The following PIKFYVE variants were observed in gnomAD, a reference collection of about 807,000 sequenced individuals.
PIKFYVE encodes the protein 1-phosphatidylinositol 3-phosphate 5-kinase.
PIKFYVE carries 122 observed loss-of-function variants against 257.9 expected under a neutral mutation model. The observed-to-expected ratio is 0.47, with a 90% CI of 0.41 to 0.55. The LOEUF is 0.55. Ranked by LOEUF, PIKFYVE falls within the 20% of genes least tolerant of loss-of-function variation. The probability of loss-of-function intolerance (pLI) is 0.00; values close to 1 mark genes in which losing one functional copy is unlikely to be tolerated. For synonymous variants in PIKFYVE, 892 were observed against 868.9 expected, an observed-to-expected ratio of 1.03 and a Z score of -0.47; for missense variants, 2,160 against 2,536.6, an observed-to-expected ratio of 0.85 and a Z score of 3.19.
At position 208,285,742 on chromosome 2, in the gene PIKFYVE, C is replaced by A; in HGVS notation, c.630C>A (p.Cys210Ter). 1 of 1,613,794 alleles carries A rather than the reference C, an allele frequency of 6.2e-7. No homozygotes were observed. The highest frequency in any genetic ancestry group is 8.5e-7 in the Non-Finnish European group (1 of 1,179,828). ...FMGYTGDLRACTYCRKIALSY... is the reference protein window; with the variant it reads ...FMGYTGDLRA Reference sequence around the variant, plus strand: ...TTCTCCTAGGAGACCTCCGAGCTTGCACATATTGTAGAAAAATAGCCTTAA... The same window carrying A: ...TTCTCCTAGGAGACCTCCGAGCTTGAACATATTGTAGAAAAATAGCCTTAA... The change falls in exon 6 of 42, where the codon TGC becomes TGA. Residue 210 changes from cysteine (C) to a stop codon, truncating the protein, a stop_gained. Transcript: ENST00000264380. LOFTEE classifies it high-confidence loss of function.
intron 40 of PIKFYVE, 95 bp downstream of exon 40, chr2:208,354,254 A>G (rs1700019116): frequency 5.0e-6 from 7 of 1,404,878 alleles, no homozygotes; most frequent in Non-Finnish European, 5.8e-6. Flanking sequence ...AGCTTATTGA[A>G]TATTTTCACA....
At chr2:208,345,037 T>C in intron 32 of PIKFYVE, 74 bp from the exon 33 acceptor site, 2 of 1,081,312 alleles carry the variant, frequency 1.8e-6, no homozygotes, top group Non-Finnish European at 1.4e-6. Flanking sequence ...ATGCAAAACT[T>C]ACTCTAAAGC....
intron 34 of PIKFYVE, among the ~76,000 whole-genome samples, chr2:208,346,625 C>CA (rs1699257862): frequency 6.6e-6 from 1 of 152,144 alleles, no homozygotes; most frequent in African/African-American, 2.4e-5. Context: ...CAAGATTTGA[C>CA]AGTGCTGGAG....
Position 208,271,620 on chromosome 2 carries a change from C to T in PIKFYVE, c.101C>T (p.Thr34Ile), listed in dbSNP as rs1689431519. ...CATCTCACACACTTTAAACCTTTGA[C>T]TCCTGATCAAGATGAGCCCCCTTTT... ...PSHLTHFKPL[T>I]PDQDEPPFKS... Residue 34 changes from threonine to isoleucine, a missense_variant, in exon 2 of 42, where the codon ACT (threonine) becomes ATT (isoleucine). Coordinates refer to ENST00000264380, the MANE Select transcript of PIKFYVE (RefSeq NM_015040.4). The T allele has an allele frequency of 6.2e-7, 1 of 1,613,980 alleles. No individual in the cohort carries two copies. The highest frequency in any genetic ancestry group is 8.5e-7 in the Non-Finnish European group (1 of 1,179,950).
chr2:208,293,084 T>TTC (rs1196945648), intron 7 of PIKFYVE, among the ~76,000 whole-genome samples: 4 of 139,174 alleles, frequency 2.9e-5, no homozygotes, highest in Non-Finnish European at 5.9e-5. Context: ...GTTACATTCT[T>TTC]TTTTTTTTTT....
intron 38 of PIKFYVE, among the ~76,000 whole-genome samples, chr2:208,351,748 G>C (rs542814851): frequency 6.6e-6 from 1 of 152,184 alleles, no homozygotes; most frequent in Admixed American, 6.5e-5. Flanking sequence ...GTTGGGGGTG[G>C]GGGAAAGTGC....
chr2:208,321,774 T>TGG (rs1313424738), intron 17 of PIKFYVE, among the ~76,000 whole-genome samples: 1 of 152,048 alleles, frequency 6.6e-6, no homozygotes, highest in African/African-American at 2.4e-5. Flanking sequence ...GAGACGGGGT[T>TGG]TCATCATGTT....
In PIKFYVE at chr2:208,357,278, T is replaced by G. The variant is rs987462769; in HGVS notation, c.*1973T>G. The G allele has an allele frequency of 2.0e-5, 3 of 152,256 alleles. No homozygotes were observed. Among genetic ancestry groups the G allele is most frequent in the Admixed American group, 2.0e-4 (3 of 15,288 alleles). 9.4% of individuals were successfully genotyped at this position (152,256 alleles called of 1,614,324 possible). ...GCCAACACTGTTTTGTCTCTGTTCA[T>G]TTTTTCTGTGAGGATACTTAAGGTT... On this transcript the variant is annotated 3_prime_UTR_variant, in exon 42 of 42. Coordinates refer to ENST00000264380, the MANE Select transcript of PIKFYVE (RefSeq NM_015040.4).
Position 208,325,745 on chromosome 2 carries a change from A to G in PIKFYVE, c.2934A>G (p.Ser978=). Residue 978 remains serine, a synonymous_variant, in exon 20 of 42, where the codon TCA becomes TCG. Coordinates refer to ENST00000264380, the MANE Select transcript of PIKFYVE (RefSeq NM_015040.4). ...PCAFFAPVPE[S]LLPLPVDDQQ... is the part of the protein sequence containing the mutation. ...CTTTCTTTGCACCTGTACCGGAATC[A>G]TTGTTGCCACTCCCTGTGGATGACC... 1 of 1,613,444 alleles carries G rather than the reference A, an allele frequency of 6.2e-7. No homozygotes were observed. The highest frequency in any genetic ancestry group is 8.5e-7 in the Non-Finnish European group (1 of 1,179,500).
intron 12 of PIKFYVE, chr2:208,305,274 T>G: frequency 7.5e-7 from 1 of 1,335,144 alleles, no homozygotes; most frequent in Non-Finnish European, 9.6e-7. Context: ...TACATCTGAC[T>G]GCTCTTCCCA....
intron 15 of PIKFYVE, among the ~76,000 whole-genome samples, chr2:208,315,715 A>T (rs1695424358): frequency 6.6e-6 from 1 of 151,958 alleles, no homozygotes; most frequent in African/African-American, 2.4e-5. Context: ...GCAGTGGGTA[A>T]TTTGCTTTAT....
At chr2:208,329,131 T>C (rs139031114) in intron 21 of PIKFYVE, among the ~76,000 whole-genome samples, 4 of 152,342 alleles carry the variant, frequency 2.6e-5, no homozygotes, top group African/African-American at 9.6e-5. Flanking sequence ...TACATAGCCT[T>C]ACATTACATG....
chr2:208,327,755 G>T (rs1574651750), intron 20 of PIKFYVE, among the ~76,000 whole-genome samples: 1 of 152,162 alleles, frequency 6.6e-6, no homozygotes, highest in East Asian at 1.9e-4. Context: ...ACAGAGAGCT[G>T]GTTTTACCTT....
intron 20 of PIKFYVE, among the ~76,000 whole-genome samples, chr2:208,327,649 C>T (rs1470146642): frequency 6.6e-6 from 1 of 152,180 alleles, no homozygotes; most frequent in Non-Finnish European, 1.5e-5. Context: ...ACCACAGAGT[C>T]AAACTCCGCA....
At chr2:208,309,020 T>C (rs1486132416) in intron 12 of PIKFYVE, among the ~76,000 whole-genome samples, 1 of 152,206 alleles carries the variant, frequency 6.6e-6, no homozygotes, top group African/African-American at 2.4e-5. Context: ...CTACTAGTAT[T>C]AACACGTGGA....
intron 7 of PIKFYVE, among the ~76,000 whole-genome samples, chr2:208,292,377 T>C (rs6435441): frequency 0.93 from 141,506 of 152,152 alleles, 66,332 homozygotes; most frequent in Non-Finnish European, 0.98. Context: ...GATGTATCCA[T>C]CTCTGATAGA....
chr2:208,351,631 T>G (rs995389112), intron 38 of PIKFYVE, among the ~76,000 whole-genome samples, 176 bp downstream of exon 38: 4 of 152,136 alleles, frequency 2.6e-5, no homozygotes, highest in Non-Finnish European at 5.9e-5. Context: ...CAAAGCATAG[T>G]GCTGGCGGCG....
intron 35 of PIKFYVE, 127 bp downstream of exon 35, chr2:208,348,150 C>A: frequency 8.2e-7 from 1 of 1,225,176 alleles, no homozygotes; most frequent in Non-Finnish European, 1.2e-6. Flanking sequence ...TCTGTTCTCA[C>A]TTGTCAGTGT....
chr2:208,302,123 A>T (rs964772416), intron 9 of PIKFYVE, 119 bp from the exon 10 acceptor site: 2 of 828,498 alleles, frequency 2.4e-6, no homozygotes, highest in Non-Finnish European at 4.0e-6. Context: ...TCCAAGGGCC[A>T]TTTGAAATTC....
Sources: gnomAD v4.1 joint callset for allele counts (sites outside exome capture counted in the v4.1 genomes callset) on GRCh38, gnomAD v4.1.1 for gene constraint, MANE v1.5 for transcripts, NCBI Gene and HGNC (gene_info 2026-07-23, HGNC 2026-07-21) for gene names.